Variants in CAMTA1 observed in about 807,000 individuals in gnomAD.
The protein encoded by CAMTA1 is calmodulin-binding transcription activator 1.
Under a neutral mutation model 170.9 loss-of-function variants are expected in CAMTA1, and 27 were observed. That is an observed-to-expected ratio of 0.16 (90% confidence interval 0.12 to 0.22). CAMTA1 has a LOEUF of 0.22. CAMTA1 is among the 10% of genes least tolerant of loss of function. The probability of loss-of-function intolerance (pLI) is 1.00; values close to 1 mark genes in which losing one functional copy is unlikely to be tolerated. For synonymous variants in CAMTA1, 833 were observed against 891.5 expected (o/e 0.93, Z 1.17); for missense variants, 1,619 against 2,217.2 (o/e 0.73, Z 5.42).
intron 5 of CAMTA1, among the ~76,000 whole-genome samples, chr1:7,450,323 C>G (rs960576608): frequency 2.0e-5 from 3 of 152,222 alleles, no homozygotes; most frequent in Non-Finnish European, 4.4e-5. Flanking sequence ...CCCAGAGATA[C>G]AACAGCTCAG....
chr1:6,985,947 C>T (rs1695284907), intron 3 of CAMTA1, among the ~76,000 whole-genome samples: 1 of 152,234 alleles, frequency 6.6e-6, no homozygotes, highest in South Asian at 2.1e-4. Context: ...GTCTTCTAAC[C>T]TCTGACTACC....
intron 3 of CAMTA1, among the ~76,000 whole-genome samples, chr1:7,021,022 T>C (rs1029425260): frequency 1.3e-5 from 2 of 152,262 alleles, no homozygotes; most frequent in African/African-American, 4.8e-5. Context: ...CGGTGCACCC[T>C]GCTTTTGACC....
chr1:7,086,062 C>A (rs1013118824), intron 3 of CAMTA1, among the ~76,000 whole-genome samples: 1 of 152,100 alleles, frequency 6.6e-6, no homozygotes, highest in African/African-American at 2.4e-5. Flanking sequence ...TGTCTGGGAC[C>A]CTGCCAGTTT....
At chr1:7,236,729 G>A (rs905212206) in intron 4 of CAMTA1, among the ~76,000 whole-genome samples, 2 of 152,256 alleles carry the variant, frequency 1.3e-5, no homozygotes, top group Non-Finnish European at 2.9e-5. Context: ...ATAAATGGCA[G>A]CTCTTCTCAT....
intron 4 of CAMTA1, among the ~76,000 whole-genome samples, chr1:7,218,289 C>T (rs928104729): frequency 1.6e-4 from 25 of 152,216 alleles, no homozygotes; most frequent in African/African-American, 5.3e-4. Flanking sequence ...TCCTCCCCCT[C>T]CACCTTATGG....
chr1:7,235,583 T>C (rs1282702207), intron 4 of CAMTA1, among the ~76,000 whole-genome samples: 4 of 152,130 alleles, frequency 2.6e-5, no homozygotes, highest in African/African-American at 9.7e-5. Context: ...GCAGAGATCA[T>C]GCCATGGTAC....
intron 4 of CAMTA1, among the ~76,000 whole-genome samples, chr1:7,202,629 A>AT (rs748093335): frequency 2.4e-4 from 37 of 152,208 alleles, no homozygotes; most frequent in Non-Finnish European, 4.7e-4. Flanking sequence ...ATAGTTTATT[A>AT]TTTTTTGTTA....
chr1:7,155,300 C>T (rs1241489631), intron 4 of CAMTA1, among the ~76,000 whole-genome samples: 1 of 151,818 alleles, frequency 6.6e-6, no homozygotes, highest in Non-Finnish European at 1.5e-5. Flanking sequence ...CCGGGCAGCG[C>T]CCATCCCTGC....
intron 6 of CAMTA1, among the ~76,000 whole-genome samples, chr1:7,470,666 T>C (rs1421417152): frequency 6.6e-6 from 1 of 152,034 alleles, no homozygotes; most frequent in Non-Finnish European, 1.5e-5. Context: ...GTAAGGGCAT[T>C]GGAGGAAAGA....
intron 4 of CAMTA1, among the ~76,000 whole-genome samples, chr1:7,109,054 A>G (rs1476065348): frequency 6.6e-6 from 1 of 152,242 alleles, no homozygotes; most frequent in Non-Finnish European, 1.5e-5. Flanking sequence ...TTCCTGCCAC[A>G]TGGGCCTCTC....
intron 5 of CAMTA1, among the ~76,000 whole-genome samples, chr1:7,314,689 C>T (rs1020035845): frequency 6.6e-6 from 1 of 152,164 alleles, no homozygotes; most frequent in Non-Finnish European, 1.5e-5. Flanking sequence ...GGAATCGTGA[C>T]TTAGGTTTCA....
intron 4 of CAMTA1, among the ~76,000 whole-genome samples, chr1:7,242,132 T>C (rs1357205497): frequency 6.6e-6 from 1 of 152,154 alleles, no homozygotes; most frequent in African/African-American, 2.4e-5. Context: ...CAATTAAAAA[T>C]AGGCAAGAGA....
chr1:7,355,506 C>T (rs768483889), intron 5 of CAMTA1, among the ~76,000 whole-genome samples: 1 of 152,248 alleles, frequency 6.6e-6, no homozygotes, highest in Non-Finnish European at 1.5e-5. Flanking sequence ...CTTATTTAAT[C>T]ACTCAGCCAA....
chr1:7,124,577 G>T (rs1644826709), intron 4 of CAMTA1, among the ~76,000 whole-genome samples: 1 of 152,220 alleles, frequency 6.6e-6, no homozygotes. Context: ...TTGAAGTCAG[G>T]ACTGATGTGC....
intron 5 of CAMTA1, among the ~76,000 whole-genome samples, chr1:7,447,436 T>C (rs899876384): frequency 4.2e-4 from 2 of 4,752 alleles, no homozygotes; most frequent in African/African-American, 7.1e-4. Flanking sequence ...GGGTGGGGGG[T>C]GAGGGGGTGG....
chr1:6,880,633 G>A (rs1021915879), intron 3 of CAMTA1, among the ~76,000 whole-genome samples: 1 of 151,964 alleles, frequency 6.6e-6, no homozygotes, highest in African/African-American at 2.4e-5. Flanking sequence ...CAAGTGATCC[G>A]CCCGCCTTGG....
chr1:7,372,943 A>T (rs780188476), intron 5 of CAMTA1, among the ~76,000 whole-genome samples: 1 of 152,212 alleles, frequency 6.6e-6, no homozygotes, highest in Admixed American at 6.5e-5. Flanking sequence ...CCCTGGGCCA[A>T]CCAGGTAGTG....
chr1:7,310,913 T>G (rs1446489653), intron 5 of CAMTA1, among the ~76,000 whole-genome samples: 1 of 151,876 alleles, frequency 6.6e-6, no homozygotes, highest in East Asian at 1.9e-4. Flanking sequence ...GTATTTTTAG[T>G]AGAGATGGGG....
At position 7,144,554 on chromosome 1, in the gene CAMTA1, G is replaced by A. The variant is rs72859212; in HGVS notation, c.302+53183G>A. Among the ~76,000 whole-genome samples the A allele has an allele frequency of 7.0e-3, 1,065 of 152,180 alleles. 6 individuals carry two copies. The highest frequency in any genetic ancestry group is 0.022 in the African/African-American group (912 of 41,488). On this transcript the variant is annotated intron_variant, in intron 4 of 22. Transcript: ENST00000303635. This position sits in a 1 kb window ranked among gnomAD's most constrained non-coding sequence, Gnocchi z 4.0. ...GCAGGATTAGAAGATTTGCCTTGTC[G>A]GTGTAGTTTGTGGCTTCAGTGTTGT...
Sources: allele counts gnomAD v4.1 joint callset (sites outside exome capture counted in the v4.1 genomes callset), GRCh38; gene constraint gnomAD v4.1.1; non-coding constraint Gnocchi (gnomAD v3.1); transcripts MANE v1.5; gene names NCBI Gene and HGNC (gene_info 2026-07-23, HGNC 2026-07-21).